Variants in GRXCR2 observed in about 807,000 individuals in gnomAD.
GRXCR2 encodes glutaredoxin and cysteine rich domain containing 2, also known as glutaredoxin domain-containing cysteine-rich protein 2.
A neutral mutation model predicts 24.8 loss-of-function variants in GRXCR2; 23 were observed. That is an observed-to-expected ratio of 0.93 (90% confidence interval 0.67 to 1.32). The LOEUF (loss-of-function observed/expected upper bound fraction) is 1.32. Ranked by LOEUF, GRXCR2 falls within the 40% of genes most tolerant of loss-of-function variation. The pLI is 0.00. For missense variants in GRXCR2, 315 were observed against 303.4 expected (o/e 1.04, Z -0.28); for synonymous variants, 130 against 116.1 (o/e 1.12, Z -0.77).
chr5:145,893,313 C>A (rs544206162), intron 2 of GRXCR2, among the ~76,000 whole-genome samples: 1 of 152,222 alleles, frequency 6.6e-6, no homozygotes, highest in African/African-American at 2.4e-5. Flanking sequence ...GGGCTAAATG[C>A]TCCAATTAAA....
rs375278376 is a variant in GRXCR2 at position 145,872,675 on chromosome 5, G to A, written c.294C>T (p.Gly98=). Residue 98 remains glycine, a synonymous_variant, in exon 1 of 3, where the codon GGC becomes GGT. Transcript: ENST00000377976. ...TGTAATCGTTGAACCGAGGCTGGCCGCCTGCCAAGGTGTAGGCATTACCCT... is the reference window on the plus strand; with the variant it reads ...TGTAATCGTTGAACCGAGGCTGGCCACCTGCCAAGGTGTAGGCATTACCCT... ...FREGNAYTLA[G]GQPRFNDYKA... 6.2e-6 allele frequency: 10 copies of A among 1,607,522 alleles called. No individual in the cohort carries two copies. The highest frequency in any genetic ancestry group is 1.7e-4 in the Middle Eastern group (1 of 6,052).
At chr5:145,916,542 T>A (rs901459986) in intron 2 of GRXCR2, among the ~76,000 whole-genome samples, 2 of 152,340 alleles carry the variant, frequency 1.3e-5, no homozygotes, top group East Asian at 3.9e-4. Context: ...GGGAAAGTCC[T>A]CCTTGTCACA....
intron 2 of GRXCR2, among the ~76,000 whole-genome samples, chr5:145,865,295 G>T (rs1481417008): frequency 1.3e-5 from 2 of 152,006 alleles, no homozygotes; most frequent in African/African-American, 4.8e-5. Flanking sequence ...TTAATCTTTC[G>T]GCTTAAATGC....
At chr5:145,881,077 T>G (rs1756693374) in intron 2 of GRXCR2, among the ~76,000 whole-genome samples, 1 of 152,230 alleles carries the variant, frequency 6.6e-6, no homozygotes. Flanking sequence ...AATATCATAC[T>G]GAATGGGCAA....
intron 2 of GRXCR2, among the ~76,000 whole-genome samples, chr5:145,895,711 CTAATTTA>C (rs1756939258): frequency 6.6e-6 from 1 of 151,996 alleles, no homozygotes. Flanking sequence ...ACTGCCCAAG[CTAATTTA>C]TAGATTCAAT....
At chr5:145,883,494 C>A (rs1756733531) in intron 2 of GRXCR2, among the ~76,000 whole-genome samples, 1 of 151,982 alleles carries the variant, frequency 6.6e-6, no homozygotes, top group Non-Finnish European at 1.5e-5. Context: ...ATTTTGGGTG[C>A]CATTTTAATG....
chr5:145,923,690 C>A (rs1036295750), intron 2 of GRXCR2, among the ~76,000 whole-genome samples: 1 of 152,150 alleles, frequency 6.6e-6, no homozygotes, highest in Admixed American at 6.5e-5. Flanking sequence ...TTCTGTATCA[C>A]TGGTATGTAT....
At chr5:145,866,795 GTC>G in intron 1 of GRXCR2, 67 bp from the exon 2 acceptor site, 1 of 975,304 alleles carries the variant, frequency 1.0e-6, no homozygotes, top group Non-Finnish European at 1.6e-6. Context: ...TGCAGAACCT[GTC>G]CAACATACCA....
intron 2 of GRXCR2, among the ~76,000 whole-genome samples, chr5:145,898,980 T>C (rs546128824): frequency 2.0e-5 from 3 of 152,144 alleles, no homozygotes; most frequent in Admixed American, 6.6e-5. Context: ...TATCTCTTTT[T>C]GTGGACAATA....
chr5:145,907,665 T>A (rs1256898796), intron 2 of GRXCR2, among the ~76,000 whole-genome samples: 1 of 152,172 alleles, frequency 6.6e-6, no homozygotes, highest in Admixed American at 6.5e-5. Flanking sequence ...CCTCTGGATC[T>A]GTTTTGAAGG....
chr5:145,880,626 C>A (rs918509155), intron 2 of GRXCR2, among the ~76,000 whole-genome samples: 10 of 152,174 alleles, frequency 6.6e-5, no homozygotes, highest in African/African-American at 2.4e-4. Context: ...TGGTACCATT[C>A]CTTCTGAAAC....
At chr5:145,894,836 A>C (rs555836076) in intron 2 of GRXCR2, among the ~76,000 whole-genome samples, 1 of 152,294 alleles carries the variant, frequency 6.6e-6, no homozygotes, top group African/African-American at 2.4e-5. Context: ...ATTAAAAAAA[A>C]GAGAACTTTA....
chr5:145,884,353 A>G (rs985776401), intron 2 of GRXCR2, among the ~76,000 whole-genome samples: 3 of 152,296 alleles, frequency 2.0e-5, no homozygotes, highest in African/African-American at 7.2e-5. Context: ...ATAAGGAAAC[A>G]TAACCACGTG....
intron 2 of GRXCR2, among the ~76,000 whole-genome samples, chr5:145,895,914 G>A (rs1756941793): frequency 6.6e-6 from 1 of 152,102 alleles, no homozygotes; most frequent in Non-Finnish European, 1.5e-5. Flanking sequence ...AAACAGCATG[G>A]TACTGGTACC....
At chr5:145,889,823 C>G (rs1219104508) in intron 2 of GRXCR2, among the ~76,000 whole-genome samples, 1 of 152,078 alleles carries the variant, frequency 6.6e-6, no homozygotes, top group Non-Finnish European at 1.5e-5. Flanking sequence ...CAGAAAGAAA[C>G]TTCCAAAGCA....
chr5:145,872,999 C>T lies in GRXCR2; in HGVS notation c.-31G>A. The T allele has an allele frequency of 1.3e-6, 2 of 1,589,594 alleles. No homozygotes were observed. Among genetic ancestry groups the T allele is most frequent in the Non-Finnish European group, 8.6e-7 (1 of 1,160,534 alleles). ...GAAAGTTGACCCTGTGGTCTCCAGC[C>T]TTCCGTGCAGCCGGTGAAACTTGGG... is the stretch of plus-strand genomic sequence containing the variant. On this transcript the variant is annotated 5_prime_UTR_variant, in exon 1 of 3. Coordinates refer to ENST00000377976, the MANE Select transcript of GRXCR2 (RefSeq NM_001080516.2).
At chr5:145,919,383 G>A (rs565133475) in intron 2 of GRXCR2, among the ~76,000 whole-genome samples, 193 of 152,266 alleles carry the variant, frequency 1.3e-3, no homozygotes, top group African/African-American at 4.2e-3. Context: ...TCACAAGAAC[G>A]CTGTGATGCA....
upstream of GRXCR2, among the ~76,000 whole-genome samples, chr5:145,873,697 G>T (rs1756569171): frequency 6.6e-6 from 1 of 152,174 alleles, no homozygotes; most frequent in African/African-American, 2.4e-5. Context: ...AAGGCCGAGG[G>T]TCCTGGATTC....
At chr5:145,893,758 G>T (rs1329738084) in intron 2 of GRXCR2, among the ~76,000 whole-genome samples, 1 of 152,146 alleles carries the variant, frequency 6.6e-6, no homozygotes, top group African/African-American at 2.4e-5. Context: ...TCCAGGAATT[G>T]AACTCAGCTC....
Sources: allele counts gnomAD v4.1 joint callset (sites outside exome capture counted in the v4.1 genomes callset), GRCh38; gene constraint gnomAD v4.1.1; transcripts MANE v1.5; gene names NCBI Gene and HGNC (gene_info 2026-07-23, HGNC 2026-07-21).